PRKCE: variants seen among roughly 807,000 people sequenced by gnomAD.
PRKCE encodes protein kinase C epsilon.
A neutral mutation model predicts 85.4 loss-of-function variants in PRKCE; 16 were observed. That is an observed-to-expected ratio of 0.19 (90% CI 0.13 to 0.28). The LOEUF (loss-of-function observed/expected upper bound fraction) is 0.28, where lower values mean the gene tolerates loss of function less well. Among genes scored for constraint, PRKCE ranks in the 10% least tolerant of loss-of-function variants. The pLI is 1.00. For missense variants in PRKCE, 573 were observed against 975.2 expected, an observed-to-expected ratio of 0.59 and a Z score of 5.49; for synonymous variants, 388 against 371.5, an observed-to-expected ratio of 1.04 and a Z score of -0.51.
Position 46,029,686 on chromosome 2 carries a change from T to G in PRKCE, c.1437+19169T>G, listed in dbSNP as rs907834848. ...GGAAAGGGGTTTGTCGTCGTATGGGTTTTTTTTTTTTTGTGGGAAAGCTTT... is the reference window on the plus strand; with the variant it reads ...GGAAAGGGGTTTGTCGTCGTATGGGGTTTTTTTTTTTTGTGGGAAAGCTTT... On this transcript the variant is annotated intron_variant, in intron 10 of 14. Coordinates refer to ENST00000306156, the MANE Select transcript of PRKCE (RefSeq NM_005400.3). Among the ~76,000 whole-genome samples the G allele has an allele frequency of 1.1e-4, 4 of 37,500 alleles. No homozygotes were observed. The East Asian group carries it at 1.5e-3, about 14-fold the overall frequency. The allele number at this position is 37,500 out of a possible 152,430, so 24.6% of individuals were successfully genotyped here. A position where few individuals can be genotyped will look rare whatever the true frequency, so the allele number is the denominator to read the frequency against.
At chr2:46,002,029 T>G (rs1704727379) in intron 7 of PRKCE, among the ~76,000 whole-genome samples, 1 of 152,218 alleles carries the variant, frequency 6.6e-6, no homozygotes, top group Non-Finnish European at 1.5e-5. Context: ...GGGAATATTG[T>G]TAATGTCTCA....
At chr2:45,996,141 A>T (rs1704198063) in intron 6 of PRKCE, among the ~76,000 whole-genome samples, 1 of 151,958 alleles carries the variant, frequency 6.6e-6, no homozygotes, top group East Asian at 1.9e-4. Flanking sequence ...TATTGTTTTT[A>T]TTTTTAAATT....
intron 2 of PRKCE, among the ~76,000 whole-genome samples, chr2:45,910,466 G>A (rs142904760): frequency 1.1e-4 from 16 of 152,312 alleles, no homozygotes; most frequent in East Asian, 3.9e-4. Flanking sequence ...TGAGTTGCAC[G>A]ATAGAAAGGA....
At chr2:45,819,856 A>G (rs1213895429) in intron 1 of PRKCE, among the ~76,000 whole-genome samples, 3 of 152,242 alleles carry the variant, frequency 2.0e-5, no homozygotes, top group African/African-American at 4.8e-5. Context: ...AACAATAGTA[A>G]GACTACAGTG....
intron 11 of PRKCE, among the ~76,000 whole-genome samples, chr2:46,108,048 C>T (rs908560827): frequency 6.6e-6 from 1 of 152,196 alleles, no homozygotes; most frequent in East Asian, 1.9e-4. Flanking sequence ...CTGCCTCAGT[C>T]ACCCAAGTAG....
At chr2:45,846,469 G>C (rs1000552861) in intron 2 of PRKCE, among the ~76,000 whole-genome samples, 2 of 152,116 alleles carry the variant, frequency 1.3e-5, no homozygotes, top group Admixed American at 6.5e-5. Context: ...AGGCCCATTG[G>C]TATGTTTGGA....
chr2:45,796,978 A>G (rs1324106879), intron 1 of PRKCE, among the ~76,000 whole-genome samples: 1 of 152,330 alleles, frequency 6.6e-6, no homozygotes. Context: ...TTAAGACATC[A>G]TTGAGGGTTA....
chr2:46,098,833 C>T (rs1670944470), intron 11 of PRKCE, among the ~76,000 whole-genome samples: 2 of 151,638 alleles, frequency 1.3e-5, no homozygotes, highest in South Asian at 4.2e-4. Flanking sequence ...GCAGCTTTGC[C>T]GTGGTAAGCA....
At chr2:45,799,766 G>T (rs1190080972) in intron 1 of PRKCE, among the ~76,000 whole-genome samples, 2 of 152,152 alleles carry the variant, frequency 1.3e-5, no homozygotes, top group Non-Finnish European at 2.9e-5. Context: ...CATTTAATTT[G>T]TACAAGGAGA....
intron 6 of PRKCE, among the ~76,000 whole-genome samples, chr2:45,991,417 C>A (rs1416743188): frequency 6.6e-6 from 1 of 152,200 alleles, no homozygotes; most frequent in Admixed American, 6.5e-5. Context: ...ACAGTGCCTG[C>A]ACACTGACAT....
At chr2:45,714,953 G>A (rs1186688469) in intron 1 of PRKCE, among the ~76,000 whole-genome samples, 1 of 152,216 alleles carries the variant, frequency 6.6e-6, no homozygotes, top group Admixed American at 6.5e-5. Flanking sequence ...CAACCACAAG[G>A]TGTTTCACCT....
chr2:45,838,766 C>T lies in PRKCE; in HGVS notation c.349-4234C>T, dbSNP rs544044285. The stretch of plus-strand genomic sequence containing the variant: ...TAGCTGGGACTACAGCTGCCTGCCA[C>T]CACACCTGACCTTTAGCTCTTTATT... On this transcript the variant is annotated intron_variant, in intron 1 of 14. Transcript: ENST00000306156. Among the ~76,000 whole-genome samples, 35 of 152,284 alleles carry T rather than the reference C, an allele frequency of 2.3e-4. 1 individual carries two copies. The South Asian group carries it at 7.3e-3, about 32-fold the overall frequency.
In PRKCE at chr2:46,079,749, A is replaced by C. The variant is rs1016551957; in HGVS notation, c.1438-6459A>C. The stretch of plus-strand genomic sequence containing the variant: ...GTCCAAAGAAACCTAACTGCTGCTA[A>C]GGAGAAGCCTCTGGCTATCCGTCAC... On this transcript the variant is annotated intron_variant, in intron 10 of 14. Coordinates refer to ENST00000306156, the MANE Select transcript of PRKCE (RefSeq NM_005400.3). Among the ~76,000 whole-genome samples, 11 of 152,254 alleles carry C rather than the reference A, an allele frequency of 7.2e-5. 1 individual carries two copies. Among genetic ancestry groups the C allele is most frequent in the African/African-American group, 2.7e-4 (11 of 41,464 alleles).
chr2:46,110,927 T>C (rs1672198174), intron 11 of PRKCE, among the ~76,000 whole-genome samples: 1 of 152,220 alleles, frequency 6.6e-6, no homozygotes, highest in Non-Finnish European at 1.5e-5. Flanking sequence ...TTTAAATATT[T>C]CTTGAGAGTT....
intron 10 of PRKCE, among the ~76,000 whole-genome samples, chr2:46,030,899 G>A (rs560253775): frequency 5.9e-5 from 9 of 152,122 alleles, no homozygotes; most frequent in Admixed American, 1.3e-4. Context: ...TTTTCGTTAC[G>A]TGTTTCCTTT....
chr2:46,038,935 G>A (rs557462053), intron 10 of PRKCE, among the ~76,000 whole-genome samples: 90 of 152,250 alleles, frequency 5.9e-4, no homozygotes, highest in African/African-American at 2.0e-3. Context: ...CATTTGAAGC[G>A]CCAATATAGT....
At chr2:45,864,969 G>A (rs1332375765) in intron 2 of PRKCE, among the ~76,000 whole-genome samples, 2 of 152,146 alleles carry the variant, frequency 1.3e-5, no homozygotes, top group South Asian at 2.1e-4. Context: ...GGGTGAAGCC[G>A]AAAATTTACA....
chr2:45,896,266 A>G (rs1309133901), intron 2 of PRKCE, among the ~76,000 whole-genome samples: 2 of 152,186 alleles, frequency 1.3e-5, no homozygotes, highest in Non-Finnish European at 2.9e-5. Context: ...GGTTCTTGCT[A>G]TGTTGCCTAG....
chr2:45,823,023 C>T (rs947866449), intron 1 of PRKCE, among the ~76,000 whole-genome samples: 1 of 152,294 alleles, frequency 6.6e-6, no homozygotes, highest in East Asian at 1.9e-4. Flanking sequence ...CCCCCACTCC[C>T]ACCCCAATTG....
Sources: allele counts gnomAD v4.1 joint callset (sites outside exome capture counted in the v4.1 genomes callset), GRCh38; gene constraint gnomAD v4.1.1; transcripts MANE v1.5; gene names NCBI Gene and HGNC (gene_info 2026-07-23, HGNC 2026-07-21).